The following KAZN variants were observed in gnomAD, a reference collection of about 807,000 sequenced individuals.
KAZN encodes kazrin.
In KAZN, 40 loss-of-function variants were observed where a neutral mutation model predicts 87.4. The observed-to-expected ratio is 0.46, with a 90% CI of 0.36 to 0.60. The LOEUF (loss-of-function observed/expected upper bound fraction) is 0.60. Ranked by LOEUF, KAZN falls within the 20% of genes least tolerant of loss-of-function variation. The probability of loss-of-function intolerance (pLI) is 0.00; values close to 1 mark genes in which losing one functional copy is unlikely to be tolerated. For missense variants in KAZN, 898 were observed against 1,073.9 expected, an observed-to-expected ratio of 0.84 and a Z score of 2.29; for synonymous variants, 466 against 458.3, an observed-to-expected ratio of 1.02 and a Z score of -0.22.
chr1:14,620,701 G>A (rs1224327400), intron 1 of KAZN, among the ~76,000 whole-genome samples: 1 of 152,184 alleles, frequency 6.6e-6, no homozygotes, highest in Non-Finnish European at 1.5e-5. Context: ...ACAGTCATGA[G>A]CTCAACTCCG....
intron 1 of KAZN, among the ~76,000 whole-genome samples, chr1:13,917,688 G>A (rs1314509673): frequency 3.3e-5 from 5 of 151,318 alleles, no homozygotes; most frequent in East Asian, 3.9e-4. Flanking sequence ...TCCCAGCTAC[G>A]TGGGAGGCTG....
intron 2 of KAZN, among the ~76,000 whole-genome samples, chr1:14,211,306 C>T (rs192769263): frequency 2.9e-4 from 44 of 152,274 alleles, no homozygotes; most frequent in African/African-American, 7.2e-4. Context: ...CTGCAAGTTC[C>T]GCCTCCCGGG....
At chr1:14,148,224 G>A (rs995719609) in intron 1 of KAZN, among the ~76,000 whole-genome samples, 1 of 93,604 alleles carries the variant, frequency 1.1e-5, no homozygotes, top group Non-Finnish European at 2.3e-5. Flanking sequence ...ACAAACTTGA[G>A]GTGCTATGAT....
chr1:14,248,823 G>A (rs1458034524), intron 2 of KAZN, among the ~76,000 whole-genome samples: 2 of 152,164 alleles, frequency 1.3e-5, no homozygotes, highest in Non-Finnish European at 2.9e-5. Flanking sequence ...GTGAGACTAG[G>A]TCATGAAAGG....
chr1:14,097,492 GAC>G (rs1394976393), intron 1 of KAZN, among the ~76,000 whole-genome samples: 2 of 152,162 alleles, frequency 1.3e-5, no homozygotes, highest in Non-Finnish European at 2.9e-5. Flanking sequence ...GGAAATGAGA[GAC>G]ACAAGGAAAT....
intron 1 of KAZN, among the ~76,000 whole-genome samples, chr1:14,774,926 C>T (rs905768743): frequency 4.6e-5 from 7 of 151,526 alleles, no homozygotes; most frequent in Non-Finnish European, 7.4e-5. Flanking sequence ...CTTACGGTAT[C>T]GATTGAGAGC....
At chr1:14,691,904 C>T (rs998395441) in intron 1 of KAZN, among the ~76,000 whole-genome samples, 21 of 150,080 alleles carry the variant, frequency 1.4e-4, no homozygotes, top group Non-Finnish European at 3.0e-4. Flanking sequence ...CTCATCACAG[C>T]TTATCTTATC....
intron 1 of KAZN, among the ~76,000 whole-genome samples, chr1:13,929,200 A>G (rs1195520738): frequency 6.6e-6 from 1 of 152,000 alleles, no homozygotes. Context: ...GATTACAAGC[A>G]CGAGCCTGGC....
intron 1 of KAZN, among the ~76,000 whole-genome samples, chr1:14,783,666 G>A (rs141264891): frequency 4.6e-5 from 7 of 152,256 alleles, no homozygotes; most frequent in Admixed American, 1.3e-4. Context: ...GAAGAGCACC[G>A]TGCCTGCCTG....
Position 15,050,159 on chromosome 1 carries a change from GGAATAGAATAGAATAGAATAGA to G in KAZN, c.727-5931_727-5910del, listed in dbSNP as rs1337172103. Among the ~76,000 whole-genome samples, 446 of 131,328 alleles carry G rather than the reference GGAATAGAATAGAATAGAATAGA, an allele frequency of 3.4e-3. 5 individuals carry two copies. Among genetic ancestry groups the G allele is most frequent in the East Asian group, 0.016 (76 of 4,700 alleles). 86.2% of individuals were successfully genotyped at this position (131,328 alleles called of 152,430 possible). A position where few individuals can be genotyped will look rare whatever the true frequency, so the allele number is the denominator to read the frequency against. ...TCTCAATAGAATAATAGAATAGAATGGAATAGAATAGAATAGAATAGAATAGAATAGAATAGAATAGAATAGA... is the reference window on the plus strand; with the variant it reads ...TCTCAATAGAATAATAGAATAGAATGATAGAATAGAATAGAATAGAATAGA... On this transcript the variant is annotated intron_variant, in intron 4 of 14. Transcript: ENST00000376030.
rs3087165 is a variant in KAZN, at chr1:14,622,689, C to CAAAAAAAAAA, written c.226+23473_226+23482dup. Among the ~76,000 whole-genome samples, 30 of 113,400 alleles carry CAAAAAAAAAA rather than the reference C, an allele frequency of 2.6e-4. 1 individual carries two copies. Among genetic ancestry groups the CAAAAAAAAAA allele is most frequent in the African/African-American group, 4.2e-4 (12 of 28,388 alleles). 74.4% of individuals were successfully genotyped at this position (113,400 alleles called of 152,430 possible). On this transcript the variant is annotated intron_variant, in intron 1 of 14. Coordinates refer to ENST00000376030, the MANE Select transcript of KAZN (RefSeq NM_201628.3). ...AGGGTGACAGAGCGAGACTCCATCT[C>CAAAAAAAAAA]AAAAAAAAAAAAAAAATTATGAAAA...
upstream of KAZN, among the ~76,000 whole-genome samples, chr1:14,596,293 C>T (rs1676502897): frequency 7.5e-6 from 1 of 132,732 alleles, no homozygotes; most frequent in African/African-American, 3.0e-5. Flanking sequence ...GGTGTGAGTG[C>T]ACGCACACGT....
intron 1 of KAZN, among the ~76,000 whole-genome samples, chr1:14,722,558 A>G (rs563185010): frequency 6.1e-4 from 93 of 152,318 alleles, no homozygotes; most frequent in African/African-American, 2.2e-3. Flanking sequence ...TGCACTCTGG[A>G]TTGGTGATGT....
At chr1:14,276,552 C>G (rs1652375165) in intron 2 of KAZN, among the ~76,000 whole-genome samples, 1 of 152,130 alleles carries the variant, frequency 6.6e-6, no homozygotes, top group South Asian at 2.1e-4. Flanking sequence ...TTCCAGGCCT[C>G]TCTCCTACCT....
intron 1 of KAZN, among the ~76,000 whole-genome samples, chr1:14,859,050 C>CA (rs1316003534): frequency 6.6e-6 from 1 of 151,880 alleles, no homozygotes; most frequent in Non-Finnish European, 1.5e-5. Flanking sequence ...ACTGAAAATA[C>CA]AAAAAAATTA....
At chr1:14,656,072 T>G (rs772981552) in intron 1 of KAZN, among the ~76,000 whole-genome samples, 3 of 152,090 alleles carry the variant, frequency 2.0e-5, no homozygotes, top group Non-Finnish European at 4.4e-5. Flanking sequence ...TAGCCTGTGT[T>G]CCATGGGACA....
chr1:14,314,529 C>T (rs146868320), intron 2 of KAZN, among the ~76,000 whole-genome samples: 118 of 152,226 alleles, frequency 7.8e-4, no homozygotes, highest in African/African-American at 2.7e-3. Context: ...CCTTTTGGCA[C>T]GGGATGGGCC....
intron 1 of KAZN, among the ~76,000 whole-genome samples, chr1:14,880,100 C>T (rs765281412): frequency 9.2e-5 from 14 of 152,078 alleles, no homozygotes; most frequent in Non-Finnish European, 1.6e-4. Flanking sequence ...GAGGTTCTGT[C>T]GTATGCATGA....
At chr1:14,953,206 C>G (rs1011855210) in intron 1 of KAZN, among the ~76,000 whole-genome samples, 2 of 152,246 alleles carry the variant, frequency 1.3e-5, no homozygotes, top group Non-Finnish European at 2.9e-5. Flanking sequence ...GGAGTGTCCC[C>G]AGTGGAGGGC....
Sources: gnomAD v4.1 joint callset for allele counts (sites outside exome capture counted in the v4.1 genomes callset) on GRCh38, gnomAD v4.1.1 for gene constraint, MANE v1.5 for transcripts, NCBI Gene and HGNC (gene_info 2026-07-23, HGNC 2026-07-21) for gene names.